Variants in HSD17B6 observed in about 807,000 individuals in gnomAD.
The protein encoded by HSD17B6 is hydroxysteroid 17-beta dehydrogenase 6, also known as 17-beta-hydroxysteroid dehydrogenase type 6.
HSD17B6 carries 16 observed loss-of-function variants against 26.4 expected under a neutral mutation model. That is an observed-to-expected ratio of 0.61 (90% CI 0.41 to 0.92). HSD17B6 has a LOEUF of 0.92. Among genes scored for constraint, HSD17B6 ranks in the 40% least tolerant of loss-of-function variants. The probability of loss-of-function intolerance (pLI) is 0.00; values close to 1 mark genes in which losing one functional copy is unlikely to be tolerated. For missense variants in HSD17B6, 357 were observed against 386.1 expected, an observed-to-expected ratio of 0.92 and a Z score of 0.63; for synonymous variants, 139 against 153.0, an observed-to-expected ratio of 0.91 and a Z score of 0.68.
intron 1 of HSD17B6, 23 bp downstream of exon 1, chr12:56,763,437 TTGTGTGTGTGTG>T (rs35753038): frequency 1.4e-4 from 19 of 136,306 alleles, no homozygotes; most frequent in African/African-American, 2.7e-4. Flanking sequence ...GTAAGGGTGG[TTGTGTGTGTGTG>T]TGTGTGTGTG....
chr12:56,765,144 A>AT (rs1338761797), intron 1 of HSD17B6, among the ~76,000 whole-genome samples: 15 of 151,136 alleles, frequency 9.9e-5, no homozygotes, highest in Non-Finnish European at 1.5e-4. Flanking sequence ...ATTTAAGAAA[A>AT]TTTTTTTTTA....
Position 56,787,278 on chromosome 12 carries a change from T to C in HSD17B6, c.890T>C (p.Leu297Ser), listed in dbSNP as rs573633060. 1.2e-6 allele frequency: 2 copies of C among 1,614,200 alleles called. No homozygotes were observed. The highest frequency in any genetic ancestry group is 2.7e-5 in the African/African-American group (2 of 75,066). Residue 297 changes from leucine to serine, a missense_variant, in exon 5 of 5, where the codon TTA (leucine) becomes TCA (serine). Coordinates refer to ENST00000322165, the MANE Select transcript of HSD17B6 (RefSeq NM_003725.4). ...AKFFFIPLSY[L>S]PTSLADYILT... is the part of the protein sequence containing the mutation. ...TTTTTCTTCATCCCTCTATCTTATT[T>C]ACCTACATCACTGGCAGACTACATT... is the stretch of plus-strand genomic sequence containing the variant.
chr12:56,773,923 T>C lies in HSD17B6; in HGVS notation c.71T>C (p.Val24Ala), dbSNP rs761358546. 6 of 1,613,636 alleles carry C rather than the reference T, an allele frequency of 3.7e-6. No homozygotes were observed. The highest frequency in any genetic ancestry group is 1.3e-5 in the African/African-American group (1 of 75,062). ...LLHWYRERQV[V>A]SHLQDKYVFI... ...CACTGGTACCGGGAGAGGCAGGTGGTGAGCCACCTCCAAGACAAGTATGTC... is the reference window on the plus strand; with the variant it reads ...CACTGGTACCGGGAGAGGCAGGTGGCGAGCCACCTCCAAGACAAGTATGTC... The change falls in exon 2 of 5, where the codon GTG becomes GCG. Residue 24 changes from valine to alanine, a missense_variant. By Grantham distance (64) the Val-to-Ala change is moderately conservative. Transcript: ENST00000322165.
At chr12:56,771,448 ATTTTTTT>A (rs35374137) in intron 1 of HSD17B6, among the ~76,000 whole-genome samples, 25 of 93,336 alleles carry the variant, frequency 2.7e-4, no homozygotes, top group South Asian at 8.0e-4. Flanking sequence ...AAGGGTTGCA[ATTTTTTT>A]TTTTTTTTTT....
chr12:56,764,085 AAAAAAG>A lies in HSD17B6; in HGVS notation c.-20+674_-20+679del, dbSNP rs1328812061. The stretch of plus-strand genomic sequence containing the variant: ...CCGTGTCTCAAAAAAAAAAAAAAAA[AAAAAAG>A]AAGAAAGAAAAAAAGAAAAAAAAAA... On this transcript the variant is annotated intron_variant, in intron 1 of 4. Transcript: ENST00000322165. 2.7e-5 allele frequency among the ~76,000 whole-genome samples: 4 copies of A among 150,610 alleles called. No individual in the cohort carries two copies. The East Asian group carries it at 7.7e-4, about 29-fold the overall frequency.
At chr12:56,784,767 T>C (rs1592377355) in intron 3 of HSD17B6, 86 bp from the exon 4 acceptor site, 3 of 1,332,860 alleles carry the variant, frequency 2.3e-6, no homozygotes, top group Non-Finnish European at 3.1e-6. Context: ...AAAGGTATTT[T>C]ATAATCTTTT....
At chr12:56,779,283 C>T (rs559033458) in intron 2 of HSD17B6, among the ~76,000 whole-genome samples, 1 of 152,158 alleles carries the variant, frequency 6.6e-6, no homozygotes, top group African/African-American at 2.4e-5. Context: ...TTCAGGTGTG[C>T]ACCACCACAC....
intron 4 of HSD17B6, chr12:56,786,037 G>C: frequency 1.4e-6 from 1 of 716,542 alleles, no homozygotes; most frequent in Non-Finnish European, 1.7e-6. Flanking sequence ...TTTTTGGGAT[G>C]ATGAAAATGT....
chr12:56,787,520 C>A lies in HSD17B6; in HGVS notation c.*178C>A. On this transcript the variant is annotated 3_prime_UTR_variant, in exon 5 of 5. Coordinates refer to ENST00000322165, the MANE Select transcript of HSD17B6 (RefSeq NM_003725.4). ...TATTTCAGATATCCAAAGCTTACCA[C>A]TTTAGGTGATGAATCTTTACTATTT... 3.4e-6 allele frequency: 2 copies of A among 587,536 alleles called. No homozygotes were observed. Among genetic ancestry groups the A allele is most frequent in the Middle Eastern group, 4.5e-4 (1 of 2,212 alleles). 36.4% of individuals were successfully genotyped at this position (587,536 alleles called of 1,614,324 possible). A position where few individuals can be genotyped will look rare whatever the true frequency, so the allele number is the denominator to read the frequency against.
At chr12:56,772,697 C>CA (rs374835392) in intron 1 of HSD17B6, among the ~76,000 whole-genome samples, 1,259 of 62,538 alleles carry the variant, frequency 0.02, 19 homozygotes, top group African/African-American at 0.063. Context: ...AACTCTGTCT[C>CA]AAAAAAAAAA....
chr12:56,784,458 C>A (rs28564526), intron 3 of HSD17B6, among the ~76,000 whole-genome samples: 1 of 152,110 alleles, frequency 6.6e-6, no homozygotes, highest in Non-Finnish European at 1.5e-5. Flanking sequence ...GCGGATCACT[C>A]GCGGTTAGGA....
Position 56,773,953 on chromosome 12 carries a change from T to C in HSD17B6, c.101T>C (p.Ile34Thr). The change falls in exon 2 of 5, where the codon ATC (isoleucine) becomes ACC (threonine). Residue 34 changes from isoleucine to threonine, a missense_variant. Transcript: ENST00000322165. ...CACCTCCAAGACAAGTATGTCTTTA[T>C]CACGGGCTGTGACTCGGGCTTTGGG... ...VSHLQDKYVF[I>T]TGCDSGFGNL... The C allele has an allele frequency of 1.9e-6, 3 of 1,614,150 alleles. No homozygotes were observed. The highest frequency in any genetic ancestry group is 2.5e-6 in the Non-Finnish European group (3 of 1,179,994).
At chr12:56,772,997 T>C (rs563962607) in intron 1 of HSD17B6, among the ~76,000 whole-genome samples, 1 of 152,334 alleles carries the variant, frequency 6.6e-6, no homozygotes, top group Non-Finnish European at 1.5e-5. Flanking sequence ...TCTACCTATG[T>C]TGTTATGAAT....
At chr12:56,767,811 TAATA>T (rs923552137) in intron 1 of HSD17B6, among the ~76,000 whole-genome samples, 1 of 147,236 alleles carries the variant, frequency 6.8e-6, no homozygotes, top group African/African-American at 2.5e-5. Context: ...TGTGTATATA[TAATA>T]TATATGTGTG....
intron 2 of HSD17B6, among the ~76,000 whole-genome samples, chr12:56,777,956 C>G (rs1313745573): frequency 6.6e-6 from 1 of 152,184 alleles, no homozygotes; most frequent in African/African-American, 2.4e-5. Context: ...CTTTGCTGTG[C>G]ATACCCGTTT....
chr12:56,768,658 T>C (rs915873693), intron 1 of HSD17B6, among the ~76,000 whole-genome samples: 4 of 150,490 alleles, frequency 2.7e-5, no homozygotes, highest in Non-Finnish European at 4.4e-5. Flanking sequence ...AAACATGAGG[T>C]TGGGAAATTT....
At chr12:56,779,418 A>G (rs1280924558) in intron 2 of HSD17B6, among the ~76,000 whole-genome samples, 1 of 152,208 alleles carries the variant, frequency 6.6e-6, no homozygotes, top group Non-Finnish European at 1.5e-5. Context: ...GATTACAGGC[A>G]TGAGCCACTG....
At chr12:56,768,393 C>A (rs1954391680) in intron 1 of HSD17B6, among the ~76,000 whole-genome samples, 1 of 151,556 alleles carries the variant, frequency 6.6e-6, no homozygotes, top group African/African-American at 2.4e-5. Context: ...AATATTTTGG[C>A]CATATGGGGA....
intron 3 of HSD17B6, among the ~76,000 whole-genome samples, chr12:56,784,229 A>C (rs1954820289): frequency 6.7e-6 from 1 of 149,776 alleles, no homozygotes; most frequent in African/African-American, 2.5e-5. Flanking sequence ...CACATCCCAG[A>C]TGATGGGTGG....
Sources: gnomAD v4.1 joint callset for allele counts (sites outside exome capture counted in the v4.1 genomes callset) on GRCh38, gnomAD v4.1.1 for gene constraint, MANE v1.5 for transcripts, NCBI Gene and HGNC (gene_info 2026-07-23, HGNC 2026-07-21) for gene names.